The following KCTD9 variants were observed in gnomAD, a reference collection of about 807,000 sequenced individuals.
KCTD9 encodes BTB/POZ domain-containing protein KCTD9.
In KCTD9, 17 loss-of-function variants were observed where a neutral mutation model predicts 53.3. That is an observed-to-expected ratio of 0.32 (90% CI 0.22 to 0.48). The LOEUF (loss-of-function observed/expected upper bound fraction) is 0.48. Among genes scored for constraint, KCTD9 ranks in the 20% least tolerant of loss-of-function variants. The pLI is 0.99. For synonymous variants in KCTD9, 128 were observed against 162.7 expected, an observed-to-expected ratio of 0.79 and a Z score of 1.62; for missense variants, 179 against 465.5, an observed-to-expected ratio of 0.38 and a Z score of 5.66.
intron 3 of KCTD9, 59 bp from the exon 4 acceptor site, chr8:25,440,732 G>C: frequency 8.4e-7 from 1 of 1,192,912 alleles, no homozygotes. Context: ...TGGGAAGATG[G>C]TAATGGCATA....
At chr8:25,456,708 T>C (rs1231414056) in intron 1 of KCTD9, among the ~76,000 whole-genome samples, 2 of 151,866 alleles carry the variant, frequency 1.3e-5, no homozygotes, top group Non-Finnish European at 1.5e-5. Flanking sequence ...AAAAAAAAAA[T>C]CCGTGTGAAC....
chr8:25,432,591 T>C lies in KCTD9; in HGVS notation c.966A>G (p.Gly322=), dbSNP rs1801950333. The change falls in exon 11 of 12, where the codon GGA becomes GGG. Residue 322 remains glycine (G), a synonymous_variant. Coordinates refer to ENST00000221200, the MANE Select transcript of KCTD9 (RefSeq NM_017634.4). ...GVDMEGSQMT[G]INLRVATLKN... ...TTAAGGTAGCCACTCTCAGGTTAATTCCTGTCATCTGACTTCCTTCCATAT... is the reference window on the plus strand; with the variant it reads ...TTAAGGTAGCCACTCTCAGGTTAATCCCTGTCATCTGACTTCCTTCCATAT... 6.2e-7 allele frequency: 1 copy of C among 1,613,432 alleles called. No homozygotes were observed.
At chr8:25,456,106 C>T (rs1650640305) in intron 1 of KCTD9, among the ~76,000 whole-genome samples, 1 of 152,158 alleles carries the variant, frequency 6.6e-6, no homozygotes, top group Non-Finnish European at 1.5e-5. Context: ...GAATTCTGTG[C>T]CTCTCCACGC....
chr8:25,453,585 G>A (rs966600962), intron 1 of KCTD9, among the ~76,000 whole-genome samples: 12 of 151,376 alleles, frequency 7.9e-5, no homozygotes, highest in Admixed American at 1.3e-4. Context: ...CCCGGGAGGC[G>A]GAGGTTGTAT....
chr8:25,447,880 ACTT>A (rs1802244725), intron 1 of KCTD9, among the ~76,000 whole-genome samples: 2 of 152,326 alleles, frequency 1.3e-5, no homozygotes, highest in South Asian at 4.1e-4. Flanking sequence ...TAATCCCAGC[ACTT>A]TGAGAGGCTG....
intron 6 of KCTD9, among the ~76,000 whole-genome samples, chr8:25,436,724 T>C (rs544370180): frequency 6.6e-6 from 1 of 152,312 alleles, no homozygotes; most frequent in South Asian, 2.1e-4. Context: ...AAATCTGTCT[T>C]ATAGGAGAAT....
At chr8:25,430,290 G>A (rs1801902809) in intron 11 of KCTD9, among the ~76,000 whole-genome samples, 1 of 152,146 alleles carries the variant, frequency 6.6e-6, no homozygotes, top group South Asian at 2.1e-4. Context: ...GACTGATACT[G>A]GTCCATGGCC....
intron 1 of KCTD9, chr8:25,450,377 T>C (rs1213421677): frequency 1.1e-5 from 11 of 984,994 alleles, no homozygotes; most frequent in Non-Finnish European, 2.4e-6. Context: ...AATGGTACAT[T>C]ACCTGGCTTA....
At chr8:25,434,279 T>C (rs965932595) in intron 9 of KCTD9, among the ~76,000 whole-genome samples, 1 of 152,146 alleles carries the variant, frequency 6.6e-6, no homozygotes, top group East Asian at 1.9e-4. Flanking sequence ...TTTGTATTTT[T>C]AGTAGAGACG....
At chr8:25,447,663 G>A (rs765908668) in intron 1 of KCTD9, among the ~76,000 whole-genome samples, 5 of 152,174 alleles carry the variant, frequency 3.3e-5, no homozygotes, top group Non-Finnish European at 7.3e-5. Flanking sequence ...TGGATCAGAA[G>A]GATGAAAGCC....
At chr8:25,441,802 G>C (rs893001649) in intron 3 of KCTD9, among the ~76,000 whole-genome samples, 1 of 151,908 alleles carries the variant, frequency 6.6e-6, no homozygotes, top group Admixed American at 6.6e-5. Context: ...GACCAGCCTG[G>C]GCAACAGGGC....
intron 3 of KCTD9, among the ~76,000 whole-genome samples, chr8:25,442,224 T>C (rs1802135970): frequency 6.6e-6 from 1 of 151,966 alleles, no homozygotes; most frequent in Non-Finnish European, 1.5e-5. Flanking sequence ...AGAAAACCAA[T>C]CCAGAACAAC....
chr8:25,441,912 G>A (rs1802130436), intron 3 of KCTD9, among the ~76,000 whole-genome samples: 1 of 152,092 alleles, frequency 6.6e-6, no homozygotes. Flanking sequence ...GCTGAGGCAG[G>A]AGGATCACTT....
rs199637142 is a variant in KCTD9 at position 25,427,908 on chromosome 8, TTATACTG to T, written c.*1942_*1948del. ...AAAGACTAATCCATAACAAATTAAG[TTATACTG>T]TATTTCCTTTGCTACCCAGAACCAC... On this transcript the variant is annotated 3_prime_UTR_variant, in exon 12 of 12. Transcript: ENST00000221200. The T allele has an allele frequency of 2.7e-3, 411 of 152,344 alleles. No homozygotes were observed. The highest frequency in any genetic ancestry group is 9.4e-3 in the African/African-American group (391 of 41,586). 9.4% of individuals were successfully genotyped at this position (152,344 alleles called of 1,614,324 possible).
chr8:25,430,106 C>T, intron 11 of KCTD9, 133 bp from the exon 12 acceptor site: 2 of 655,464 alleles, frequency 3.1e-6, no homozygotes, highest in Non-Finnish European at 5.6e-6. Flanking sequence ...TTCCGGAAAA[C>T]TGATGATACA....
At chr8:25,452,260 T>A (rs1802338921) in intron 1 of KCTD9, among the ~76,000 whole-genome samples, 1 of 151,918 alleles carries the variant, frequency 6.6e-6, no homozygotes, top group African/African-American at 2.4e-5. Context: ...AAAAAGAAAA[T>A]TTTAAAATGG....
intron 1 of KCTD9, among the ~76,000 whole-genome samples, chr8:25,452,940 G>A (rs571999012): frequency 3.3e-5 from 5 of 152,182 alleles, no homozygotes; most frequent in South Asian, 2.1e-4. Context: ...ACTGAGGAAG[G>A]AGGACTGCTT....
At chr8:25,452,476 T>C (rs183859599) in intron 1 of KCTD9, among the ~76,000 whole-genome samples, 27 of 152,344 alleles carry the variant, frequency 1.8e-4, no homozygotes, top group Admixed American at 7.2e-4. Context: ...TGTGTGATCC[T>C]GTCACCTGCA....
chr8:25,435,949 T>C (rs1195735535), intron 8 of KCTD9, among the ~76,000 whole-genome samples: 1 of 152,216 alleles, frequency 6.6e-6, no homozygotes, highest in Non-Finnish European at 1.5e-5. Flanking sequence ...GATCAGCCCA[T>C]ATATTGCAAA....
Sources: allele counts gnomAD v4.1 joint callset (sites outside exome capture counted in the v4.1 genomes callset), GRCh38; gene constraint gnomAD v4.1.1; transcripts MANE v1.5; gene names NCBI Gene and HGNC (gene_info 2026-07-23, HGNC 2026-07-21).